Variants in TCOF1 observed in about 807,000 individuals in gnomAD.
TCOF1 encodes treacle ribosome biogenesis factor 1, also known as treacle protein.
In TCOF1, 33 loss-of-function variants were observed where a neutral mutation model predicts 149.0. The observed-to-expected ratio is 0.22, with a 90% CI of 0.17 to 0.30. TCOF1 has a LOEUF of 0.30. Ranked by LOEUF, TCOF1 falls within the 10% of genes least tolerant of loss-of-function variation. The pLI is 1.00. For missense variants in TCOF1, 1,728 were observed against 1,840.7 expected (o/e 0.94, Z 1.12); for synonymous variants, 789 against 738.8 (o/e 1.07, Z -1.10).
At chr5:150,380,004 G>A (rs1327302239) in intron 17 of TCOF1, 13 of 425,216 alleles carry the variant, frequency 3.1e-5, no homozygotes, top group Admixed American at 2.0e-4. Flanking sequence ...CCTGGGAGGC[G>A]GAGGCTGCAG....
chr5:150,361,242 G>A, intron 2 of TCOF1, 31 bp downstream of exon 2: 3 of 1,613,142 alleles, frequency 1.9e-6, no homozygotes, highest in Non-Finnish European at 2.5e-6. Flanking sequence ...GGTGGAGTAG[G>A]GACGGACACC....
intron 17 of TCOF1, chr5:150,384,420 G>A: frequency 1.0e-6 from 1 of 985,450 alleles, no homozygotes; most frequent in South Asian, 4.7e-5. Flanking sequence ...CAGACCTGGT[G>A]TTTGAGCACA....
intron 6 of TCOF1, 25 bp downstream of exon 6, chr5:150,369,627 T>C: frequency 6.2e-7 from 1 of 1,613,220 alleles, no homozygotes; most frequent in Non-Finnish European, 8.5e-7. Flanking sequence ...TCCCTAGGAG[T>C]TGCCCTCTCC....
rs1050193059 is a variant in TCOF1, at chr5:150,374,207, G to A, written c.904G>A (p.Ala302Thr). 1 of 1,612,722 alleles carries A rather than the reference G, an allele frequency of 6.2e-7. No individual in the cohort carries two copies. The highest frequency in any genetic ancestry group is 1.7e-5 in the Admixed American group (1 of 59,920). Reference sequence around the variant, plus strand: ...CTCTGAAAAAATTCTCCAGGTCAGAGCTGCCTCAGCCCCTGCCAAGGGGAC... The same window carrying A: ...CTCTGAAAAAATTCTCCAGGTCAGAACTGCCTCAGCCCCTGCCAAGGGGAC... ...KASEKILQVR[A>T]ASAPAKGTPG... is the part of the protein sequence containing the mutation. The change falls in exon 8 of 27, where the codon GCT becomes ACT. Residue 302 changes from alanine to threonine, a missense_variant. Around this residue, in one of 2 missense-constraint regions of TCOF1, gnomAD observed 1,696 missense variants for 1,765.4 expected, o/e 0.96. Transcript: ENST00000643257.
At chr5:150,378,764 G>C in intron 14 of TCOF1, 141 bp from the exon 15 acceptor site, 7 of 1,174,602 alleles carry the variant, frequency 6.0e-6, no homozygotes, top group Non-Finnish European at 8.8e-6. Flanking sequence ...GTGAGATCAA[G>C]TGATGAGCTC....
Position 150,359,792 on chromosome 5 carries a change from A to G in TCOF1, c.109-1364A>G, listed in dbSNP as rs143114115. On this transcript the variant is annotated intron_variant, in intron 1 of 26. Coordinates refer to ENST00000643257, the MANE Select transcript of TCOF1 (RefSeq NM_001371623.1). ...AGGTGACAAATAGAAAAAGTTTAAT[A>G]AGTTAATGATATAGTATATCCAATG... Among the ~76,000 whole-genome samples the G allele has an allele frequency of 3.9e-5, 6 of 152,326 alleles. No individual in the cohort carries two copies. In the East Asian group the frequency reaches 9.6e-4, roughly 24 times the overall value.
chr5:150,384,094 G>A, intron 17 of TCOF1: 2 of 1,233,078 alleles, frequency 1.6e-6, no homozygotes, highest in South Asian at 5.6e-5. Flanking sequence ...CCAGACCAGA[G>A]CGGTCTCATG....
chr5:150,396,206 C>G, intron 23 of TCOF1, 76 bp from the exon 24 acceptor site: 10 of 1,536,480 alleles, frequency 6.5e-6, no homozygotes. Flanking sequence ...CTCCCTGCAC[C>G]CTCTTCGCTC....
rs796203027 is a variant in TCOF1 at position 150,374,481 on chromosome 5, G to A, written c.1083+95G>A. The A allele has an allele frequency of 4.6e-5, 71 of 1,550,318 alleles. No individual in the cohort carries two copies. The African/African-American group carries it at 6.9e-4, about 15-fold the overall frequency. On this transcript the variant is annotated intron_variant, in intron 8 of 26. Coordinates refer to ENST00000643257, the MANE Select transcript of TCOF1 (RefSeq NM_001371623.1). ...CCCACTCTGGGCCAGAGCCCCGGGC[G>A]TGCCTCAGACCCCAGCCCCTTACTC...
At chr5:150,377,655 T>C (rs555533637) in intron 14 of TCOF1, among the ~76,000 whole-genome samples, 53 of 152,312 alleles carry the variant, frequency 3.5e-4, no homozygotes, top group Non-Finnish European at 4.3e-4. Flanking sequence ...AATTCCTCCA[T>C]TGAGGTTTTT....
intron 1 of TCOF1, 78 bp from the exon 2 acceptor site, chr5:150,361,078 G>C (rs1215305942): frequency 1.3e-6 from 2 of 1,593,136 alleles, no homozygotes; most frequent in Admixed American, 1.7e-5. Context: ...CAAGTCATGA[G>C]TTTGGGGAGA....
At chr5:150,361,514 T>G (rs1562277666) in intron 2 of TCOF1, among the ~76,000 whole-genome samples, 1 of 152,232 alleles carries the variant, frequency 6.6e-6, no homozygotes, top group African/African-American at 2.4e-5. Flanking sequence ...TTACTTAGTA[T>G]GCAAATATTG....
intron 17 of TCOF1, chr5:150,384,649 G>T (rs1765909463): frequency 1.0e-6 from 1 of 982,884 alleles, no homozygotes; most frequent in South Asian, 4.7e-5. Context: ...CCATTTAATT[G>T]GTATGTTAGT....
At chr5:150,396,229 A>T (rs1768475047) in intron 23 of TCOF1, 53 bp from the exon 24 acceptor site, 3 of 1,602,210 alleles carry the variant, frequency 1.9e-6, no homozygotes, top group Non-Finnish European at 1.7e-6. Flanking sequence ...AGGTACCATA[A>T]GATCTGTCCC....
chr5:150,387,579 C>T (rs1160665881), intron 17 of TCOF1, among the ~76,000 whole-genome samples: 1 of 152,228 alleles, frequency 6.6e-6, no homozygotes, highest in Non-Finnish European at 1.5e-5. Context: ...GCTTTGCTTC[C>T]AGTAGGGACA....
Position 150,361,221 on chromosome 5 carries a change from G to A in TCOF1, c.164+10G>A, listed in dbSNP as rs778986021. The A allele has an allele frequency of 3.9e-5, 63 of 1,613,998 alleles. No homozygotes were observed. The highest frequency in any genetic ancestry group is 5.3e-5 in the Non-Finnish European group (63 of 1,179,988). ...ATACACACTGGCAACAGTAAGTGGT[G>A]GGGCCTATAGGGTGGAGTAGGGACG... On this transcript the variant is annotated intron_variant, in intron 2 of 26. Transcript: ENST00000643257.
At chr5:150,358,802 A>C (rs933021213) in intron 1 of TCOF1, among the ~76,000 whole-genome samples, 3 of 152,072 alleles carry the variant, frequency 2.0e-5, no homozygotes. Context: ...GTGCCACTGC[A>C]CTCCAGCCTG....
rs148699933 is a variant in TCOF1 at position 150,367,588 on chromosome 5, G to A, written c.305-256G>A. The A allele has an allele frequency of 1.5e-3, 736 of 493,910 alleles. 5 individuals are homozygous for A. Among genetic ancestry groups the A allele is most frequent in the African/African-American group, 0.013 (661 of 51,442 alleles). The allele number at this position is 493,910 out of a possible 1,614,324, so 30.6% of individuals were successfully genotyped here. A position where few individuals can be genotyped will look rare whatever the true frequency, so the allele number is the denominator to read the frequency against. On this transcript the variant is annotated intron_variant, in intron 3 of 26. Coordinates refer to ENST00000643257, the MANE Select transcript of TCOF1 (RefSeq NM_001371623.1). ...CCCTCCAGGGGCCTCCACGTCTCAT[G>A]CTGCGGGGGAGTTGGGAATCCATCA...
chr5:150,378,630 G>A (rs1335308428), intron 14 of TCOF1: 8 of 490,598 alleles, frequency 1.6e-5, no homozygotes, highest in Admixed American at 1.0e-4. Context: ...CGCACAATGA[G>A]TTTGAGTGTT....
Sources: gnomAD v4.1 joint callset for allele counts (sites outside exome capture counted in the v4.1 genomes callset) on GRCh38, gnomAD v4.1.1 for gene constraint, gnomAD v4.1.1 regional missense constraint, MANE v1.5 for transcripts, NCBI Gene and HGNC (gene_info 2026-07-23, HGNC 2026-07-21) for gene names.